The following ADAP2 variants were observed in gnomAD, a reference collection of about 807,000 sequenced individuals.
ADAP2 encodes the protein ArfGAP with dual PH domains 2, also known as arf-GAP with dual PH domain-containing protein 2.
In ADAP2, 42 loss-of-function variants were observed where a neutral mutation model predicts 54.9. The ratio of observed to expected loss-of-function variants is 0.77; its 90% CI spans 0.60 to 0.99. The LOEUF is 0.99. Among genes scored for constraint, ADAP2 ranks in the 50% least tolerant of loss-of-function variants. The pLI is 0.00. For missense variants in ADAP2, 429 were observed against 480.4 expected (o/e 0.89, Z 1.00); for synonymous variants, 177 against 180.1 (o/e 0.98, Z 0.14).
chr17:30,936,649 G>A (rs1000915457), intron 5 of ADAP2, among the ~76,000 whole-genome samples: 1 of 152,114 alleles, frequency 6.6e-6, no homozygotes, highest in South Asian at 2.1e-4. Context: ...GGGCGCGGTG[G>A]CTCACGCCTG....
At chr17:30,948,609 T>C (rs772961690) in intron 6 of ADAP2, among the ~76,000 whole-genome samples, 5 of 151,968 alleles carry the variant, frequency 3.3e-5, no homozygotes, top group Admixed American at 1.3e-4. Flanking sequence ...CAGGCTGCCA[T>C]GAGAGGGCCA....
chr17:30,949,249 C>A, intron 6 of ADAP2, 38 bp from the exon 7 acceptor site: 1 of 1,566,646 alleles, frequency 6.4e-7, no homozygotes, highest in Non-Finnish European at 8.8e-7. Context: ...CACCCCATCT[C>A]ACTGCTGTGT....
intron 3 of ADAP2, among the ~76,000 whole-genome samples, chr17:30,928,757 G>A (rs1280486075): frequency 1.3e-5 from 2 of 152,136 alleles, no homozygotes; most frequent in Non-Finnish European, 2.9e-5. Flanking sequence ...CAGGTCCCCT[G>A]GAGGTGAGGG....
In ADAP2 at chr17:30,941,301, A is replaced by T. The variant is rs559709760; in HGVS notation, c.511-3606A>T. Among the ~76,000 whole-genome samples the T allele has an allele frequency of 2.0e-5, 3 of 152,326 alleles. No individual in the cohort carries two copies. The South Asian group carries it at 6.2e-4, about 32-fold the overall frequency. On this transcript the variant is annotated intron_variant, in intron 5 of 10. Transcript: ENST00000330889. ...GAACAAGATGATTTTTTTCATTGTA[A>T]ATTGATGTAGATGGTCTGCTGCTGC...
chr17:30,925,485 C>A (rs1397989044), intron 2 of ADAP2, among the ~76,000 whole-genome samples: 1 of 152,110 alleles, frequency 6.6e-6, no homozygotes, highest in African/African-American at 2.4e-5. Context: ...GCTACAGCGC[C>A]CAATCCTCTG....
intron 3 of ADAP2, among the ~76,000 whole-genome samples, chr17:30,929,069 G>GTAC (rs1164956610): frequency 6.6e-6 from 1 of 152,208 alleles, no homozygotes; most frequent in Admixed American, 6.5e-5. Context: ...AGCTAGTAAT[G>GTAC]TACTCTGGAG....
chr17:30,932,613 T>C (rs1911580541), intron 4 of ADAP2, among the ~76,000 whole-genome samples: 1 of 150,960 alleles, frequency 6.6e-6, no homozygotes, highest in South Asian at 2.1e-4. Flanking sequence ...GTCTTGCTCT[T>C]GTTGCCCAGG....
chr17:30,937,041 C>A (rs1911932601), intron 5 of ADAP2, among the ~76,000 whole-genome samples: 1 of 151,434 alleles, frequency 6.6e-6, no homozygotes, highest in African/African-American at 2.4e-5. Context: ...CAATTCTTTG[C>A]CTCAGTCTCT....
chr17:30,940,536 C>G (rs1912199186), intron 5 of ADAP2, among the ~76,000 whole-genome samples: 1 of 152,114 alleles, frequency 6.6e-6, no homozygotes, highest in Non-Finnish European at 1.5e-5. Context: ...AACTCCTGAC[C>G]TCAAGTGATT....
chr17:30,953,146 G>T, intron 7 of ADAP2, 142 bp from the exon 8 acceptor site: 1 of 689,594 alleles, frequency 1.5e-6, no homozygotes, highest in Non-Finnish European at 2.5e-6. Flanking sequence ...TATGACCATT[G>T]CACTTTCCAA....
At chr17:30,934,399 A>C in intron 5 of ADAP2, 102 bp downstream of exon 5, 4 of 756,274 alleles carry the variant, frequency 5.3e-6, no homozygotes, top group Non-Finnish European at 8.5e-6. Flanking sequence ...AGATAATCTC[A>C]GCCCCTGAGA....
At position 30,923,079 on chromosome 17, in the gene ADAP2, G is replaced by A; in HGVS notation, c.225+9G>A. ...ACGACAGTATTGTGGAGGTAGAAAG[G>A]CATGCCCGTGGAGAGCCATGGAACT... On this transcript the variant is annotated intron_variant, in intron 2 of 10. Transcript: ENST00000330889. 6.2e-7 allele frequency: 1 copy of A among 1,613,160 alleles called. No homozygotes were observed. Among genetic ancestry groups the A allele is most frequent in the Non-Finnish European group, 8.5e-7 (1 of 1,179,872 alleles).
chr17:30,938,206 G>A (rs764957504), intron 5 of ADAP2, among the ~76,000 whole-genome samples: 4 of 152,188 alleles, frequency 2.6e-5, no homozygotes, highest in African/African-American at 4.8e-5. Context: ...TACTCCATGT[G>A]GCATCAGCTG....
chr17:30,939,145 A>C (rs935960043), intron 5 of ADAP2, among the ~76,000 whole-genome samples: 1 of 152,170 alleles, frequency 6.6e-6, no homozygotes, highest in Non-Finnish European at 1.5e-5. Flanking sequence ...AATGGTACAA[A>C]AGGCCGGAAG....
chr17:30,956,225 T>TA lies in ADAP2; in HGVS notation c.883-15dup. ...CTGGGGGCACCCTCTGATGACCCTG[T>TA]ACTCTCCATTTTCAGGATGCCTTCG... On this transcript the variant is annotated splice_polypyrimidine_tract_variant and intron_variant, in intron 9 of 10. Coordinates refer to ENST00000330889, the MANE Select transcript of ADAP2 (RefSeq NM_018404.3). The TA allele has an allele frequency of 6.2e-7, 1 of 1,613,512 alleles. No homozygotes were observed. Among genetic ancestry groups the TA allele is most frequent in the Non-Finnish European group, 8.5e-7 (1 of 1,179,480 alleles).
chr17:30,932,067 C>T (rs984367740), intron 4 of ADAP2, 99 bp downstream of exon 4: 5 of 1,136,302 alleles, frequency 4.4e-6, no homozygotes, highest in Non-Finnish European at 6.4e-6. Flanking sequence ...CAAGAGATGC[C>T]TGCTGTTCTC....
intron 5 of ADAP2, among the ~76,000 whole-genome samples, chr17:30,937,594 G>A (rs775359542): frequency 2.0e-5 from 3 of 152,218 alleles, no homozygotes; most frequent in Non-Finnish European, 2.9e-5. Flanking sequence ...CCAGAGCAGA[G>A]GCAGAGAAAT....
In ADAP2 at chr17:30,943,783, G is replaced by T. The variant is rs1454485198; in HGVS notation, c.511-1124G>T. On this transcript the variant is annotated intron_variant, in intron 5 of 10. Transcript: ENST00000330889. ...AATGGTTAGAATCTGGGAGGCAGAG[G>T]TTGCAGTGACCTCAGATCACGCCAT... 2.6e-5 allele frequency among the ~76,000 whole-genome samples: 4 copies of T among 151,706 alleles called. No individual in the cohort carries two copies. The East Asian group carries it at 5.8e-4, about 22-fold the overall frequency.
chr17:30,950,317 G>A (rs774834537), intron 7 of ADAP2, among the ~76,000 whole-genome samples: 4 of 152,146 alleles, frequency 2.6e-5, no homozygotes, highest in Admixed American at 6.6e-5. Flanking sequence ...CCTATCTCAG[G>A]CTGGGCCAGG....
Sources: gnomAD v4.1 joint callset for allele counts (sites outside exome capture counted in the v4.1 genomes callset) on GRCh38, gnomAD v4.1.1 for gene constraint, MANE v1.5 for transcripts, NCBI Gene and HGNC (gene_info 2026-07-23, HGNC 2026-07-21) for gene names.